The following STPG2 variants were observed in gnomAD, a reference collection of about 807,000 sequenced individuals.
STPG2 encodes sperm tail PG-rich repeat containing 2.
In STPG2, 56 loss-of-function variants were observed where a neutral mutation model predicts 54.2. The observed-to-expected ratio is 1.03, with a 90% CI of 0.83 to 1.29. The LOEUF (loss-of-function observed/expected upper bound fraction) is 1.29, where lower values mean the gene tolerates loss of function less well. Among genes scored for constraint, STPG2 ranks in the 50% most tolerant of loss-of-function variants. The probability of loss-of-function intolerance (pLI) is 0.00; values close to 1 mark genes in which losing one functional copy is unlikely to be tolerated. For missense variants in STPG2, 596 were observed against 544.9 expected, an observed-to-expected ratio of 1.09 and a Z score of -0.93; for synonymous variants, 200 against 181.8, an observed-to-expected ratio of 1.10 and a Z score of -0.81.
intron 4 of STPG2, among the ~76,000 whole-genome samples, chr4:97,500,933 G>T (rs546019848): frequency 2.0e-5 from 3 of 151,990 alleles, no homozygotes; most frequent in Admixed American, 1.3e-4. Flanking sequence ...TGGAGACAGG[G>T]GTATGTAGCA....
chr4:97,716,490 C>T (rs986821054), intron 9 of STPG2, among the ~76,000 whole-genome samples: 1 of 152,050 alleles, frequency 6.6e-6, no homozygotes, highest in Non-Finnish European at 1.5e-5. Context: ...AAATGTGGCA[C>T]ATATACACCA....
intron 7 of STPG2, among the ~76,000 whole-genome samples, chr4:97,951,826 G>A (rs550207660): frequency 3.9e-5 from 6 of 152,156 alleles, no homozygotes; most frequent in South Asian, 2.1e-4. Flanking sequence ...TAGGATAGGC[G>A]TCCCAGGGAA....
At chr4:97,595,657 C>A (rs1278674977) in intron 10 of STPG2, among the ~76,000 whole-genome samples, 1 of 151,278 alleles carries the variant, frequency 6.6e-6, no homozygotes, top group Non-Finnish European at 1.5e-5. Flanking sequence ...AATTTAATAT[C>A]CAGCCAAAGT....
At chr4:97,944,133 TAAAC>T in intron 7 of STPG2, 126 bp from the exon 8 acceptor site, 1 of 613,788 alleles carries the variant, frequency 1.6e-6, no homozygotes. Flanking sequence ...CACATATTCA[TAAAC>T]AAATAAAATT....
At chr4:97,786,134 AG>A (rs1726816003) in intron 9 of STPG2, among the ~76,000 whole-genome samples, 1 of 151,980 alleles carries the variant, frequency 6.6e-6, no homozygotes, top group South Asian at 2.1e-4. Context: ...ACCCCAAAAA[AG>A]TTTCCTTGTG....
intron 9 of STPG2, among the ~76,000 whole-genome samples, chr4:97,730,108 A>G (rs1045936563): frequency 2.6e-5 from 4 of 152,140 alleles, no homozygotes; most frequent in African/African-American, 9.7e-5. Flanking sequence ...ACTCAGGCAG[A>G]GTGCATAGTA....
intron 9 of STPG2, among the ~76,000 whole-genome samples, chr4:97,795,542 A>T (rs187913740): frequency 3.8e-3 from 573 of 152,298 alleles, no homozygotes; most frequent in Middle Eastern, 0.034. Context: ...TTTTTATGGC[A>T]GCATAGTATT....
intron 5 of STPG2, among the ~76,000 whole-genome samples, chr4:98,020,199 C>T (rs1001513184): frequency 1.1e-4 from 15 of 133,154 alleles, no homozygotes; most frequent in Non-Finnish European, 1.6e-4. Context: ...CCCATCAATA[C>T]CTAATTTATT....
intron 10 of STPG2, among the ~76,000 whole-genome samples, chr4:97,642,125 C>T (rs1490907673): frequency 6.6e-6 from 1 of 150,998 alleles, no homozygotes; most frequent in African/African-American, 2.4e-5. Context: ...TAAACAGATC[C>T]AAAGAAAATA....
chr4:97,596,321 C>A (rs184999768), intron 10 of STPG2, among the ~76,000 whole-genome samples: 9 of 152,168 alleles, frequency 5.9e-5, no homozygotes, highest in Admixed American at 2.0e-4. Context: ...TAGTATTACA[C>A]TGACACCATT....
chr4:98,048,007 C>T (rs941556092), intron 5 of STPG2, among the ~76,000 whole-genome samples: 3 of 152,142 alleles, frequency 2.0e-5, no homozygotes, highest in East Asian at 1.9e-4. Context: ...CTCAACTAAA[C>T]GTAGTATTAA....
chr4:98,083,590 A>G (rs1241548008), intron 5 of STPG2, among the ~76,000 whole-genome samples: 3 of 152,188 alleles, frequency 2.0e-5, no homozygotes, highest in Non-Finnish European at 4.4e-5. Context: ...CAAATATACA[A>G]TTCTATTAAT....
intron 8 of STPG2, among the ~76,000 whole-genome samples, chr4:97,891,502 T>A (rs1326322277): frequency 2.0e-5 from 3 of 152,058 alleles, no homozygotes; most frequent in Non-Finnish European, 4.4e-5. Context: ...AAAAAAATGA[T>A]ATATCTAAAT....
chr4:97,841,270 C>T (rs1340271162), intron 8 of STPG2, among the ~76,000 whole-genome samples: 1 of 151,594 alleles, frequency 6.6e-6, no homozygotes, highest in African/African-American at 2.4e-5. Context: ...ACCTGTTTTC[C>T]TAAGCAGCAG....
intron 10 of STPG2, among the ~76,000 whole-genome samples, chr4:97,710,412 C>G (rs182890816): frequency 6.6e-6 from 1 of 151,962 alleles, no homozygotes; most frequent in Non-Finnish European, 1.5e-5. Flanking sequence ...ATTTAAGAAG[C>G]CTCCAGATTT....
intron 4 of STPG2, among the ~76,000 whole-genome samples, chr4:97,547,340 A>G (rs1486174403): frequency 1.3e-5 from 2 of 151,796 alleles, no homozygotes; most frequent in Admixed American, 1.3e-4. Context: ...CCCCCTGAAT[A>G]GCTGAGACTA....
intron 4 of STPG2, among the ~76,000 whole-genome samples, chr4:97,514,714 T>G (rs1436588391): frequency 6.6e-6 from 1 of 152,062 alleles, no homozygotes; most frequent in Admixed American, 6.6e-5. Flanking sequence ...CAGTTCTTTG[T>G]GCCAGTTGGC....
chr4:97,531,490 A>G (rs1179670209), intron 4 of STPG2, among the ~76,000 whole-genome samples: 1 of 152,210 alleles, frequency 6.6e-6, no homozygotes, highest in Non-Finnish European at 1.5e-5. Context: ...TAATAAAGCA[A>G]ATGTGGTACT....
At chr4:97,765,725 T>C (rs770405740) in intron 9 of STPG2, among the ~76,000 whole-genome samples, 3 of 152,176 alleles carry the variant, frequency 2.0e-5, no homozygotes, top group African/African-American at 4.8e-5. Flanking sequence ...GACTAATGCA[T>C]ACAAACAAAC....
Sources: allele counts gnomAD v4.1 joint callset (sites outside exome capture counted in the v4.1 genomes callset), GRCh38; gene constraint gnomAD v4.1.1; transcripts MANE v1.5; gene names NCBI Gene and HGNC (gene_info 2026-07-23, HGNC 2026-07-21).